RAB3GAP1: variants seen among roughly 807,000 people sequenced by gnomAD.
The protein encoded by RAB3GAP1 is RAB3 GTPase activating protein catalytic subunit 1.
Under a neutral mutation model 130.7 loss-of-function variants are expected in RAB3GAP1, and 86 were observed. The observed-to-expected ratio is 0.66, with a 90% CI of 0.55 to 0.79. RAB3GAP1 has a LOEUF of 0.79. Ranked by LOEUF, RAB3GAP1 falls within the 30% of genes least tolerant of loss-of-function variation. RAB3GAP1 has a pLI of 0.00. For synonymous variants in RAB3GAP1, 367 were observed against 401.7 expected (o/e 0.91, Z 1.03); for missense variants, 1,029 against 1,169.4 (o/e 0.88, Z 1.75).
At chr2:135,120,426 C>A (rs1316732594) in intron 7 of RAB3GAP1, among the ~76,000 whole-genome samples, 1 of 152,114 alleles carries the variant, frequency 6.6e-6, no homozygotes, top group Non-Finnish European at 1.5e-5. Flanking sequence ...GACAAAAATA[C>A]AGTGATTCTT....
At chr2:135,117,450 T>TCTTCTTCTTCTG (rs1553445221) in intron 7 of RAB3GAP1, among the ~76,000 whole-genome samples, 20 of 88,218 alleles carry the variant, frequency 2.3e-4, no homozygotes, top group South Asian at 1.8e-3. Flanking sequence ...TTCTTCTTCT[T>TCTTCTTCTTCTG]CTTCTGCTTC....
chr2:135,170,028 T>C lies in RAB3GAP1; in HGVS notation c.*1247T>C, dbSNP rs1027342528. ...ATAATATGTGTGTGTGTGTGACATA[T>C]GCACACGTCTCTGTGTATGTGAAGT... On this transcript the variant is annotated 3_prime_UTR_variant, in exon 24 of 24. Coordinates refer to ENST00000264158, the MANE Select transcript of RAB3GAP1 (RefSeq NM_012233.3). The C allele has an allele frequency of 3.6e-5, 8 of 224,608 alleles. No homozygotes were observed. The East Asian group carries it at 6.3e-4, about 18-fold the overall frequency. 13.9% of individuals were successfully genotyped at this position (224,608 alleles called of 1,614,324 possible). A position where few individuals can be genotyped will look rare whatever the true frequency, so the allele number is the denominator to read the frequency against.
intron 5 of RAB3GAP1, among the ~76,000 whole-genome samples, chr2:135,111,119 G>A (rs1325055625): frequency 1.3e-5 from 2 of 152,066 alleles, no homozygotes; most frequent in Non-Finnish European, 2.9e-5. Context: ...AATGAAATAA[G>A]TTTTTGTCAT....
At chr2:135,126,681 T>C in intron 11 of RAB3GAP1, 25 bp downstream of exon 11, 1 of 1,562,994 alleles carries the variant, frequency 6.4e-7, no homozygotes, top group Non-Finnish European at 8.8e-7. Flanking sequence ...GCTCCTTTCC[T>C]GAAATACTGC....
chr2:135,110,495 G>A (rs773201107), intron 5 of RAB3GAP1, among the ~76,000 whole-genome samples: 2 of 152,130 alleles, frequency 1.3e-5, no homozygotes, highest in Non-Finnish European at 2.9e-5. Flanking sequence ...TAGAATGGAT[G>A]GGGGGAGACA....
chr2:135,167,579 A>AT, intron 23 of RAB3GAP1: 1 of 853,344 alleles, frequency 1.2e-6, no homozygotes, highest in South Asian at 1.6e-5. Flanking sequence ...ATCATGTTCC[A>AT]TAATGTAGTG....
At chr2:135,136,314 A>C (rs970866806) in intron 17 of RAB3GAP1, among the ~76,000 whole-genome samples, 3 of 152,166 alleles carry the variant, frequency 2.0e-5, no homozygotes, top group Non-Finnish European at 2.9e-5. Context: ...CAACAGAGCA[A>C]GACTCTTGTC....
chr2:135,093,127 G>A (rs1173511031), intron 4 of RAB3GAP1, among the ~76,000 whole-genome samples: 2 of 152,162 alleles, frequency 1.3e-5, no homozygotes, highest in African/African-American at 4.8e-5. Flanking sequence ...GATCTTTTAT[G>A]TTAGTACCTT....
At chr2:135,106,621 G>C (rs931515475) in intron 5 of RAB3GAP1, among the ~76,000 whole-genome samples, 1 of 151,870 alleles carries the variant, frequency 6.6e-6, no homozygotes, top group African/African-American at 2.4e-5. Context: ...ACTGCGGAAG[G>C]CCGCAGGGTC....
intron 3 of RAB3GAP1, among the ~76,000 whole-genome samples, chr2:135,080,467 A>G (rs902373832): frequency 4.6e-5 from 7 of 152,198 alleles, no homozygotes; most frequent in Non-Finnish European, 7.3e-5. Context: ...TGGCTCAGAA[A>G]GGAGTATAGA....
At chr2:135,121,136 A>G (rs192166498) in intron 8 of RAB3GAP1, among the ~76,000 whole-genome samples, 23 of 152,286 alleles carry the variant, frequency 1.5e-4, no homozygotes, top group African/African-American at 5.3e-4. Flanking sequence ...TATATTTGAC[A>G]ATCTGTCTTT....
chr2:135,153,869 C>G lies in RAB3GAP1; in HGVS notation c.2282C>G (p.Ala761Gly). Reference sequence around the variant, plus strand: ...AGACTCTTTGATGATACACGGGAAGCAGAAAAGGTAATTGAGGTTTGAGTC... The same window carrying G: ...AGACTCTTTGATGATACACGGGAAGGAGAAAAGGTAATTGAGGTTTGAGTC... ...QRRLFDDTREAEKVLHYLAIQ... is the reference protein window; with the variant it reads ...QRRLFDDTREGEKVLHYLAIQ... The change falls in exon 19 of 24, where the codon GCA becomes GGA. Residue 761 changes from alanine (A) to glycine (G), a missense_variant. By Grantham distance (60) the Ala-to-Gly change is moderately conservative (BLOSUM62 0). Transcript: ENST00000264158. The G allele has an allele frequency of 6.2e-7, 1 of 1,613,316 alleles. No homozygotes were observed. Among genetic ancestry groups the G allele is most frequent in the Non-Finnish European group, 8.5e-7 (1 of 1,179,392 alleles).
chr2:135,111,355 C>G (rs961996896), intron 5 of RAB3GAP1, among the ~76,000 whole-genome samples: 6 of 151,906 alleles, frequency 3.9e-5, no homozygotes, highest in South Asian at 2.1e-4. Context: ...TTTCAGTATA[C>G]AGGATAATCA....
At chr2:135,168,514 C>A in intron 23 of RAB3GAP1, 31 bp from the exon 24 acceptor site, 1 of 1,578,822 alleles carries the variant, frequency 6.3e-7, no homozygotes, top group Non-Finnish European at 8.7e-7. Flanking sequence ...ATTTGACCTG[C>A]TTTTGACTTT....
intron 17 of RAB3GAP1, among the ~76,000 whole-genome samples, chr2:135,146,216 T>C (rs187208679): frequency 0.011 from 1,619 of 147,094 alleles, 10 homozygotes; most frequent in African/African-American, 0.038. Flanking sequence ...TTTTTTTTTT[T>C]TTTTTTGAGA....
intron 3 of RAB3GAP1, among the ~76,000 whole-genome samples, chr2:135,080,854 G>A (rs922287540): frequency 3.3e-5 from 5 of 152,084 alleles, no homozygotes; most frequent in African/African-American, 7.2e-5. Flanking sequence ...ACTGAGCCTC[G>A]ATATCATTCC....
Position 135,115,250 on chromosome 2 carries a change from T to C in RAB3GAP1, c.517T>C (p.Trp173Arg). Reference protein sequence around the residue: ...VPLFVQIHHKWRRMYVGECQG... With the variant: ...VPLFVQIHHKRRRMYVGECQG... ...ACTCTTTGTGCAAATTCACCACAAA[T>C]GGCGAAGAATGTATGTAGGAGAATG... is the stretch of plus-strand genomic sequence containing the variant. The change falls in exon 7 of 24, where the codon TGG (tryptophan) becomes CGG (arginine). Residue 173 changes from tryptophan (W) to arginine (R), a missense_variant. Trp to Arg is a moderately radical substitution (Grantham distance 101). Around this residue, in one of 3 missense-constraint regions of RAB3GAP1, gnomAD observed 510 missense variants for 532.1 expected, o/e 0.96. Coordinates refer to ENST00000264158, the MANE Select transcript of RAB3GAP1 (RefSeq NM_012233.3). 6.2e-7 allele frequency: 1 copy of C among 1,612,594 alleles called. No individual in the cohort carries two copies. Among genetic ancestry groups the C allele is most frequent in the African/African-American group, 1.3e-5 (1 of 75,046 alleles).
At chr2:135,115,185 T>C in intron 6 of RAB3GAP1, 31 bp from the exon 7 acceptor site, 1 of 1,581,478 alleles carries the variant, frequency 6.3e-7, no homozygotes, top group Non-Finnish European at 8.7e-7. Context: ...AATGAGCTTG[T>C]ATTCCATTCC....
intron 5 of RAB3GAP1, among the ~76,000 whole-genome samples, chr2:135,096,631 A>G (rs986775717): frequency 1.3e-5 from 2 of 152,214 alleles, no homozygotes; most frequent in Admixed American, 6.5e-5. Context: ...GTATGCATTA[A>G]TTCATTCAAC....
Sources: gnomAD v4.1 joint callset for allele counts (sites outside exome capture counted in the v4.1 genomes callset) on GRCh38, gnomAD v4.1.1 for gene constraint, gnomAD v4.1.1 regional missense constraint, MANE v1.5 for transcripts, NCBI Gene and HGNC (gene_info 2026-07-23, HGNC 2026-07-21) for gene names.